ERBB4: variants seen among roughly 807,000 people sequenced by gnomAD.
The protein encoded by ERBB4 is receptor tyrosine-protein kinase erbB-4.
ERBB4 carries 42 observed loss-of-function variants against 158.0 expected under a neutral mutation model. The ratio of observed to expected loss-of-function variants is 0.27; its 90% CI spans 0.21 to 0.34. ERBB4 has a LOEUF of 0.34. Among genes scored for constraint, ERBB4 ranks in the 10% least tolerant of loss-of-function variants. The pLI, the probability that ERBB4 is intolerant of heterozygous loss-of-function variation, is 1.00. For synonymous variants in ERBB4, 583 were observed against 558.7 expected (o/e 1.04, Z -0.61); for missense variants, 1,333 against 1,624.1 (o/e 0.82, Z 3.08).
chr2:212,322,431 TA>T (rs34964796), intron 1 of ERBB4, among the ~76,000 whole-genome samples: 29,714 of 149,444 alleles, frequency 0.2, 5,116 homozygotes, highest in African/African-American at 0.42. Flanking sequence ...TTAAAAGCTA[TA>T]AAAAAAAATC....
intron 20 of ERBB4, among the ~76,000 whole-genome samples, chr2:211,485,451 G>GT (rs1457979757): frequency 6.6e-6 from 1 of 152,026 alleles, no homozygotes; most frequent in African/African-American, 2.4e-5. Flanking sequence ...CCATTTCTCA[G>GT]TTTTTTTCAC....
At chr2:212,304,541 T>C (rs1275332147) in intron 1 of ERBB4, among the ~76,000 whole-genome samples, 1 of 151,466 alleles carries the variant, frequency 6.6e-6, no homozygotes, top group African/African-American at 2.4e-5. Context: ...TCCAAATGTA[T>C]TCTTAGCCAC....
intron 20 of ERBB4, among the ~76,000 whole-genome samples, chr2:211,452,037 T>C (rs189053961): frequency 5.3e-5 from 8 of 152,288 alleles, no homozygotes; most frequent in Non-Finnish European, 8.8e-5. Context: ...GTAATTATTT[T>C]GAAGTGACAT....
At chr2:211,954,653 TAA>T (rs2080978388) in intron 2 of ERBB4, among the ~76,000 whole-genome samples, 1 of 151,916 alleles carries the variant, frequency 6.6e-6, no homozygotes. Flanking sequence ...ACTATGGTGG[TAA>T]GAGGGGGGGT....
chr2:211,633,101 G>A (rs2070207647), intron 16 of ERBB4, among the ~76,000 whole-genome samples: 1 of 151,992 alleles, frequency 6.6e-6, no homozygotes, highest in African/African-American at 2.4e-5. Flanking sequence ...TTTATTAATT[G>A]AGTATCATGA....
intron 3 of ERBB4, among the ~76,000 whole-genome samples, chr2:211,938,798 A>C (rs765030621): frequency 2.6e-5 from 4 of 152,220 alleles, no homozygotes; most frequent in Non-Finnish European, 4.4e-5. Flanking sequence ...ATATCTCAGC[A>C]CAATGACTTG....
At chr2:212,126,887 C>T (rs1489508659) in intron 1 of ERBB4, among the ~76,000 whole-genome samples, 3 of 152,028 alleles carry the variant, frequency 2.0e-5, no homozygotes, top group Non-Finnish European at 4.4e-5. Flanking sequence ...CCTGTTTTTG[C>T]CTATGAACAC....
At chr2:211,613,845 T>A (rs1435954609) in intron 19 of ERBB4, among the ~76,000 whole-genome samples, 9 of 152,058 alleles carry the variant, frequency 5.9e-5, no homozygotes, top group Non-Finnish European at 1.5e-5. Flanking sequence ...ATAACCACTA[T>A]GGAGAACACT....
intron 19 of ERBB4, among the ~76,000 whole-genome samples, chr2:211,583,889 C>T (rs1328662027): frequency 6.6e-6 from 1 of 151,078 alleles, no homozygotes; most frequent in African/African-American, 2.4e-5. Context: ...ATTCTTTTGA[C>T]TTTGCCCTAT....
intron 2 of ERBB4, among the ~76,000 whole-genome samples, chr2:212,105,282 T>C (rs1394934749): frequency 6.6e-6 from 1 of 152,242 alleles, no homozygotes; most frequent in Non-Finnish European, 1.5e-5. Context: ...GTGAGTCCAA[T>C]GTTTTCCAAA....
At chr2:212,085,799 A>T (rs941206709) in intron 2 of ERBB4, among the ~76,000 whole-genome samples, 2 of 151,942 alleles carry the variant, frequency 1.3e-5, no homozygotes, top group African/African-American at 2.4e-5. Flanking sequence ...AGAAGCTTAC[A>T]CATATAGTAG....
chr2:212,161,119 T>C (rs2081191326), intron 1 of ERBB4, among the ~76,000 whole-genome samples: 1 of 151,956 alleles, frequency 6.6e-6, no homozygotes, highest in African/African-American at 2.4e-5. Flanking sequence ...GGAAGGCTGC[T>C]TAAAATAGGA....
chr2:211,385,198 A>G (rs1189362774), intron 27 of ERBB4, among the ~76,000 whole-genome samples: 1 of 152,164 alleles, frequency 6.6e-6, no homozygotes, highest in African/African-American at 2.4e-5. Context: ...CAGAATAGGT[A>G]AGTATTTAGC....
intron 1 of ERBB4, among the ~76,000 whole-genome samples, chr2:212,410,735 C>T (rs1229688625): frequency 6.6e-6 from 1 of 151,980 alleles, no homozygotes; most frequent in Non-Finnish European, 1.5e-5. Flanking sequence ...TATATTACTT[C>T]CCCCTTCATA....
At chr2:211,885,392 A>G (rs2078772241) in intron 3 of ERBB4, among the ~76,000 whole-genome samples, 1 of 152,202 alleles carries the variant, frequency 6.6e-6, no homozygotes, top group Non-Finnish European at 1.5e-5. Context: ...AACCTATTAA[A>G]GAAAGAATAA....
chr2:212,198,301 C>T (rs971983258), intron 1 of ERBB4, among the ~76,000 whole-genome samples: 2 of 152,128 alleles, frequency 1.3e-5, no homozygotes, highest in East Asian at 3.8e-4. Context: ...ATGATAACCA[C>T]CTTTCATTTC....
chr2:212,342,716 T>C (rs1440225072), intron 1 of ERBB4, among the ~76,000 whole-genome samples: 2 of 152,212 alleles, frequency 1.3e-5, no homozygotes, highest in Non-Finnish European at 2.9e-5. Flanking sequence ...TAACAAGCAT[T>C]ATACTCCATT....
rs942057269 is a variant in ERBB4 at position 212,166,625 on chromosome 2, G to A, written c.83-41722C>T. 8.7e-5 allele frequency among the ~76,000 whole-genome samples: 13 copies of A among 150,268 alleles called. 1 individual carries two copies. Among genetic ancestry groups the A allele is most frequent in the Admixed American group, 3.3e-4 (5 of 15,076 alleles). ...TTCATATGGAATCAAAGAAGACCCC[G>A]TACAGCCAAGACAACCCTAAGCAAA... On this transcript the variant is annotated intron_variant, in intron 1 of 27. Coordinates refer to ENST00000342788, the MANE Select transcript of ERBB4 (RefSeq NM_005235.3).
chr2:211,469,197 A>C (rs1468008160), intron 20 of ERBB4, among the ~76,000 whole-genome samples: 1 of 152,178 alleles, frequency 6.6e-6, no homozygotes, highest in African/African-American at 2.4e-5. Context: ...CCTTTTCTGC[A>C]ACAGCAGGGG....
Sources: gnomAD v4.1 joint callset for allele counts (sites outside exome capture counted in the v4.1 genomes callset) on GRCh38, gnomAD v4.1.1 for gene constraint, MANE v1.5 for transcripts, NCBI Gene and HGNC (gene_info 2026-07-23, HGNC 2026-07-21) for gene names.